DPP6: variants seen among roughly 807,000 people sequenced by gnomAD.
The protein encoded by DPP6 is A-type potassium channel modulatory protein DPP6.
Under a neutral mutation model 122.6 loss-of-function variants are expected in DPP6, and 69 were observed. That is an observed-to-expected ratio of 0.56 (90% CI 0.46 to 0.69). The LOEUF is 0.69. DPP6 is among the 30% of genes least tolerant of loss of function. The pLI is 0.00. For synonymous variants in DPP6, 418 were observed against 433.1 expected, an observed-to-expected ratio of 0.97 and a Z score of 0.43; for missense variants, 928 against 1,116.9, an observed-to-expected ratio of 0.83 and a Z score of 2.41.
At chr7:154,508,299 T>A (rs1280297210) in intron 3 of DPP6, among the ~76,000 whole-genome samples, 1 of 152,142 alleles carries the variant, frequency 6.6e-6, no homozygotes, top group Non-Finnish European at 1.5e-5. Context: ...TTTATTTCTT[T>A]CTCACGTTGC....
chr7:154,813,509 C>G (rs534707281), intron 16 of DPP6, among the ~76,000 whole-genome samples: 15 of 152,074 alleles, frequency 9.9e-5, no homozygotes, highest in Non-Finnish European at 2.2e-4. Context: ...GCCACTATAT[C>G]CACTCACTAC....
intron 2 of DPP6, among the ~76,000 whole-genome samples, chr7:154,453,033 A>G (rs1239260226): frequency 6.6e-6 from 1 of 152,156 alleles, no homozygotes; most frequent in African/African-American, 2.4e-5. Flanking sequence ...GTATCTGTCT[A>G]CAATAGGCCA....
At chr7:154,646,651 T>C (rs1163408462) in intron 6 of DPP6, among the ~76,000 whole-genome samples, 2 of 152,252 alleles carry the variant, frequency 1.3e-5, no homozygotes, top group African/African-American at 2.4e-5. Context: ...ATGCTTTCCA[T>C]ATCCATGTAT....
chr7:154,869,030 C>A (rs1390039264), intron 18 of DPP6, among the ~76,000 whole-genome samples: 3 of 152,206 alleles, frequency 2.0e-5, no homozygotes, highest in Admixed American at 6.5e-5. Context: ...CAAACTCCGA[C>A]TGACTGATAG....
At chr7:154,369,965 C>CATGCATTT (rs1554529265) in intron 1 of DPP6, among the ~76,000 whole-genome samples, 3 of 145,846 alleles carry the variant, frequency 2.1e-5, no homozygotes, top group African/African-American at 7.6e-5. Flanking sequence ...CAGATATATG[C>CATGCATTT]ATTTATTTAT....
At chr7:154,686,135 C>T (rs889971199) in intron 7 of DPP6, among the ~76,000 whole-genome samples, 1 of 152,090 alleles carries the variant, frequency 6.6e-6, no homozygotes, top group Non-Finnish European at 1.5e-5. Flanking sequence ...CACAATATCT[C>T]TATTCAGCAG....
In DPP6 at chr7:154,501,339, G is replaced by A. The variant is rs1477705090; in HGVS notation, c.457+26302G>A. Among the ~76,000 whole-genome samples, 7 of 152,188 alleles carry A rather than the reference G, an allele frequency of 4.6e-5. No homozygotes were observed. The South Asian group carries it at 8.3e-4, about 18-fold the overall frequency. ...TGAGGAGTAAAATGTTAATTCCCAA[G>A]ATCCTGGGGAAAAATGTCTCCAGGC... On this transcript the variant is annotated intron_variant, in intron 3 of 25. Coordinates refer to ENST00000377770, the MANE Select transcript of DPP6 (RefSeq NM_130797.4).
At chr7:154,255,232 T>TCTGTGTCAAGA in intron 1 of DPP6, among the ~76,000 whole-genome samples, 1 of 152,174 alleles carries the variant, frequency 6.6e-6, no homozygotes, top group African/African-American at 2.4e-5. Context: ...GCTGCCTGCC[T>TCTGTGTCAAGA]CTGTGTCAAG....
At chr7:154,762,232 C>A (rs925141644) in intron 8 of DPP6, among the ~76,000 whole-genome samples, 1 of 152,216 alleles carries the variant, frequency 6.6e-6, no homozygotes, top group Non-Finnish European at 1.5e-5. Flanking sequence ...CTTTCTGCCA[C>A]ATTCTCTTCA....
chr7:153,843,871 C>G, the DPP6 span, among the ~76,000 whole-genome samples: 1 of 152,100 alleles, frequency 6.6e-6, no homozygotes, highest in African/African-American at 2.4e-5. Context: ...GCTAGACAAC[C>G]GGTCAGACCA....
the DPP6 span, among the ~76,000 whole-genome samples, chr7:153,876,754 G>A: frequency 0.6 from 91,023 of 151,688 alleles, 27,646 homozygotes; most frequent in Middle Eastern, 0.67. Context: ...TGAATATAGA[G>A]GGTACAGCCT....
intron 1 of DPP6, among the ~76,000 whole-genome samples, chr7:154,264,491 A>T (rs73165291): frequency 0.11 from 15,986 of 152,228 alleles, 1,132 homozygotes; most frequent in South Asian, 0.17. Context: ...CTTGAAAAAA[A>T]TGGGTAATAA....
rs142886801 is a variant in DPP6, at chr7:154,284,041, G to A, written c.244-162173G>A. 1.5e-3 allele frequency among the ~76,000 whole-genome samples: 226 copies of A among 152,200 alleles called. 1 individual carries two copies. The Middle Eastern group carries it at 0.027, about 18-fold the overall frequency. ...CTCATGACATCCATGTTAGATAAGCGTGGTGAGAATTACTTCCCTGTTTGA... is the reference window on the plus strand; with the variant it reads ...CTCATGACATCCATGTTAGATAAGCATGGTGAGAATTACTTCCCTGTTTGA... On this transcript the variant is annotated intron_variant, in intron 1 of 25. Coordinates refer to ENST00000377770, the MANE Select transcript of DPP6 (RefSeq NM_130797.4).
chr7:154,843,845 C>T (rs1047259444), intron 16 of DPP6, among the ~76,000 whole-genome samples: 2 of 152,170 alleles, frequency 1.3e-5, no homozygotes, highest in Non-Finnish European at 2.9e-5. Flanking sequence ...AACCATGGAC[C>T]GCGTCTGGTG....
In DPP6 at chr7:154,893,101, A is replaced by G. The variant is rs1375097412; in HGVS notation, c.*621A>G. 5.3e-6 allele frequency: 2 copies of G among 380,592 alleles called. No individual in the cohort carries two copies. Among genetic ancestry groups the G allele is most frequent in the East Asian group, 1.4e-4 (2 of 14,686 alleles). 23.6% of individuals were successfully genotyped at this position (380,592 alleles called of 1,614,324 possible). ...TAACTCGTATTTTTCTATGGTTTTA[A>G]CCTGATGCTCCACTGTCTCCGTCAT... On this transcript the variant is annotated 3_prime_UTR_variant, in exon 26 of 26. Coordinates refer to ENST00000377770, the MANE Select transcript of DPP6 (RefSeq NM_130797.4).
At chr7:154,155,585 T>C (rs1296802882) in intron 1 of DPP6, among the ~76,000 whole-genome samples, 1 of 152,148 alleles carries the variant, frequency 6.6e-6, no homozygotes, top group Non-Finnish European at 1.5e-5. Context: ...TGCTGAGAAA[T>C]TGGTCTGATG....
chr7:154,465,228 A>C lies in DPP6; in HGVS notation c.359-9711A>C, dbSNP rs546900950. 9.2e-5 allele frequency among the ~76,000 whole-genome samples: 14 copies of C among 152,400 alleles called. 1 individual carries two copies. In the South Asian group the frequency reaches 2.9e-3, roughly 32 times the overall value. The stretch of plus-strand genomic sequence containing the variant: ...ATTTACACATATTAATTGCATTTCT[A>C]TGTACTAGCAACACACAGTTGAAAA... On this transcript the variant is annotated intron_variant, in intron 2 of 25. Coordinates refer to ENST00000377770, the MANE Select transcript of DPP6 (RefSeq NM_130797.4).
chr7:154,467,527 T>C (rs549227658), intron 2 of DPP6, among the ~76,000 whole-genome samples: 10 of 152,322 alleles, frequency 6.6e-5, no homozygotes, highest in African/African-American at 2.4e-4. Context: ...CTTTTCCTTC[T>C]ACCATGATTG....
chr7:153,759,217 G>A, the DPP6 span, among the ~76,000 whole-genome samples: 1 of 151,744 alleles, frequency 6.6e-6, no homozygotes, highest in South Asian at 2.1e-4. Flanking sequence ...TTTTGATTGG[G>A]TTACTTGGTT....
Sources: gnomAD v4.1 joint callset for allele counts (sites outside exome capture counted in the v4.1 genomes callset) on GRCh38, gnomAD v4.1.1 for gene constraint, MANE v1.5 for transcripts, NCBI Gene and HGNC (gene_info 2026-07-23, HGNC 2026-07-21) for gene names.